Variants in ITPR1 observed in about 807,000 individuals in gnomAD.
The protein encoded by ITPR1 is inositol 1,4,5-trisphosphate-gated calcium channel ITPR1.
A neutral mutation model predicts 318.4 loss-of-function variants in ITPR1; 96 were observed. The observed-to-expected ratio is 0.30, with a 90% CI of 0.26 to 0.36. ITPR1 has a LOEUF of 0.36. ITPR1 is among the 10% of genes least tolerant of loss of function. The pLI, the probability that ITPR1 is intolerant of heterozygous loss-of-function variation, is 1.00. For synonymous variants in ITPR1, 1,312 were observed against 1,289.9 expected, an observed-to-expected ratio of 1.02 and a Z score of -0.37; for missense variants, 2,440 against 3,460.2, an observed-to-expected ratio of 0.71 and a Z score of 7.40.
chr3:4,610,362 G>T (rs1276917896), intron 4 of ITPR1, among the ~76,000 whole-genome samples: 1 of 151,774 alleles, frequency 6.6e-6, no homozygotes. Flanking sequence ...ATAATTGTTT[G>T]AATGAGAGAG....
intron 52 of ITPR1, among the ~76,000 whole-genome samples, chr3:4,789,168 C>A (rs2047393436): frequency 6.6e-6 from 1 of 152,224 alleles, no homozygotes; most frequent in Non-Finnish European, 1.5e-5. Context: ...CCTCCCTGTG[C>A]AGCACCTTCA....
chr3:4,789,764 C>G (rs2047438193), intron 52 of ITPR1, among the ~76,000 whole-genome samples: 1 of 152,172 alleles, frequency 6.6e-6, no homozygotes, highest in Admixed American at 6.5e-5. Flanking sequence ...AGATTACAGG[C>G]ACATGCCACC....
chr3:4,638,143 A>G (rs542954756), intron 5 of ITPR1, among the ~76,000 whole-genome samples: 1 of 152,284 alleles, frequency 6.6e-6, no homozygotes, highest in Non-Finnish European at 1.5e-5. Flanking sequence ...ATGAAGACAC[A>G]TTACCTGGGA....
intron 44 of ITPR1, among the ~76,000 whole-genome samples, chr3:4,744,617 A>G (rs1459244088): frequency 3.9e-5 from 6 of 152,300 alleles, no homozygotes; most frequent in Non-Finnish European, 8.8e-5. Flanking sequence ...AGCGTGTGAA[A>G]TGTTTACCAT....
Position 4,802,077 on chromosome 3 carries a change from A to G in ITPR1, c.7107+1477A>G, listed in dbSNP as rs757019209. Among the ~76,000 whole-genome samples the G allele has an allele frequency of 1.3e-4, 20 of 152,302 alleles. 4 individuals carry two copies. Among genetic ancestry groups the G allele is most frequent in the East Asian group, 1.9e-4 (1 of 5,182 alleles). ...AGCATATTCCACGTTGATAAATATG[A>G]GGTGAAAAAAGGGTTCCGTGATTGA... On this transcript the variant is annotated intron_variant, in intron 54 of 61. Transcript: ENST00000649015.
intron 60 of ITPR1, among the ~76,000 whole-genome samples, chr3:4,833,541 G>A (rs958543221): frequency 4.6e-5 from 7 of 152,168 alleles, no homozygotes; most frequent in African/African-American, 1.4e-4. Context: ...GGTGAGTTCC[G>A]ACTGCTAGCA....
intron 4 of ITPR1, among the ~76,000 whole-genome samples, chr3:4,576,019 C>CA (rs35517382): frequency 0.018 from 1,489 of 80,516 alleles, 22 homozygotes; most frequent in African/African-American, 0.048. Flanking sequence ...GATGCTGTCT[C>CA]AAAAAAAAAA....
intron 2 of ITPR1, among the ~76,000 whole-genome samples, chr3:4,497,414 C>G (rs987505959): frequency 6.6e-6 from 1 of 152,140 alleles, no homozygotes; most frequent in Non-Finnish European, 1.5e-5. Context: ...TCCAGGTGCT[C>G]AGGATATAGC....
chr3:4,736,492 G>A (rs2125322944), intron 44 of ITPR1, among the ~76,000 whole-genome samples: 1 of 152,340 alleles, frequency 6.6e-6, no homozygotes. Context: ...AACTGCGGTG[G>A]CCCTTTTCTT....
intron 43 of ITPR1, among the ~76,000 whole-genome samples, chr3:4,734,624 A>G (rs975624658): frequency 6.6e-6 from 1 of 152,248 alleles, no homozygotes; most frequent in African/African-American, 2.4e-5. Context: ...TCTTAAGTAT[A>G]TTCATCTCCC....
At position 4,643,989 on chromosome 3, in the gene ITPR1, G is replaced by A. The variant is rs192258252; in HGVS notation, c.526-147G>A. 2.0e-5 allele frequency: 12 copies of A among 603,238 alleles called. No homozygotes were observed. In the East Asian group the frequency reaches 3.4e-4, roughly 17 times the overall value. The allele number at this position is 603,238 out of a possible 1,614,324, so 37.4% of individuals were successfully genotyped here. On this transcript the variant is annotated intron_variant, in intron 7 of 61. Transcript: ENST00000649015. ...TGCACAGGGTCAGGTTTTAAAGAAGGCGTGGTGTGTGCTACATCTTTATAC... is the reference window on the plus strand; with the variant it reads ...TGCACAGGGTCAGGTTTTAAAGAAGACGTGGTGTGTGCTACATCTTTATAC...
At chr3:4,747,863 C>T (rs937499333) in intron 44 of ITPR1, among the ~76,000 whole-genome samples, 13 of 152,242 alleles carry the variant, frequency 8.5e-5, no homozygotes, top group South Asian at 8.3e-4. Flanking sequence ...TTTTGTTTTT[C>T]GCTTGCGTCT....
chr3:4,846,871 A>AACTT lies in ITPR1; in HGVS notation c.*647_*650dup. ...AATCAGCATTCATTTTAAGAAAAGC[A>AACTT]ACTTTAGTTTCAAAGATACTTTTAA... On this transcript the variant is annotated 3_prime_UTR_variant, in exon 62 of 62. Transcript: ENST00000649015. 6.5e-6 allele frequency: 1 copy of AACTT among 152,794 alleles called. No homozygotes were observed. Among genetic ancestry groups the AACTT allele is most frequent in the African/African-American group, 2.4e-5 (1 of 41,594 alleles). 9.5% of individuals were successfully genotyped at this position (152,794 alleles called of 1,614,324 possible).
At chr3:4,544,669 A>G (rs761642542) in intron 4 of ITPR1, among the ~76,000 whole-genome samples, 13 of 152,236 alleles carry the variant, frequency 8.5e-5, no homozygotes, top group Non-Finnish European at 1.9e-4. Context: ...TTGGACTGAC[A>G]TTGCTAACTT....
intron 40 of ITPR1, among the ~76,000 whole-genome samples, chr3:4,720,798 A>AGG (rs58061279): frequency 1.3e-5 from 2 of 151,468 alleles, no homozygotes; most frequent in African/African-American, 4.9e-5. Context: ...TTCGAGGTAG[A>AGG]GGGGGAAACA....
At chr3:4,661,221 A>C in intron 14 of ITPR1, 134 bp downstream of exon 14, 4 of 535,968 alleles carry the variant, frequency 7.5e-6, no homozygotes, top group Non-Finnish European at 1.4e-5. Flanking sequence ...GCCGAACTTG[A>C]ATGTGACAAA....
chr3:4,600,559 C>T (rs554533143), intron 4 of ITPR1, among the ~76,000 whole-genome samples: 6 of 152,054 alleles, frequency 3.9e-5, no homozygotes, highest in South Asian at 2.1e-4. Flanking sequence ...TTTAATTTTT[C>T]GCCTCTAAAT....
intron 31 of ITPR1, among the ~76,000 whole-genome samples, chr3:4,690,025 C>T (rs2094455616): frequency 6.6e-6 from 1 of 152,204 alleles, no homozygotes; most frequent in Admixed American, 6.5e-5. Context: ...GCCTGTAATC[C>T]CAGCACTTTG....
intron 2 of ITPR1, among the ~76,000 whole-genome samples, chr3:4,501,165 CT>C (rs966765816): frequency 3.3e-3 from 482 of 144,894 alleles, no homozygotes; most frequent in African/African-American, 3.7e-3. Context: ...CCCAGCCAAA[CT>C]TTTTTTTTTT....
Sources: allele counts gnomAD v4.1 joint callset (sites outside exome capture counted in the v4.1 genomes callset), GRCh38; gene constraint gnomAD v4.1.1; transcripts MANE v1.5; gene names NCBI Gene and HGNC (gene_info 2026-07-23, HGNC 2026-07-21).